ARMH3: variants seen among roughly 807,000 people sequenced by gnomAD.
The protein encoded by ARMH3 is armadillo-like helical domain-containing protein 3.
In ARMH3, 60 loss-of-function variants were observed where a neutral mutation model predicts 99.1. The ratio of observed to expected loss-of-function variants is 0.61; its 90% CI spans 0.49 to 0.75. The LOEUF is 0.75. Ranked by LOEUF, ARMH3 falls within the 30% of genes least tolerant of loss-of-function variation. The pLI is 0.00. For synonymous variants in ARMH3, 285 were observed against 292.8 expected (o/e 0.97, Z 0.27); for missense variants, 679 against 843.1 (o/e 0.81, Z 2.41).
Position 101,992,051 on chromosome 10 carries a change from A to G in ARMH3, c.1276-13T>C, listed in dbSNP as rs759051370. ...TGTGTCTCATAGGCTTCACACCAAA[A>G]AAATGAAGAAAGGAAATTAGTAGAC... On this transcript the variant is annotated splice_polypyrimidine_tract_variant and intron_variant, in intron 17 of 25. Coordinates refer to ENST00000370033, the MANE Select transcript of ARMH3 (RefSeq NM_024541.3). The G allele has an allele frequency of 6.2e-7, 1 of 1,612,300 alleles. No homozygotes were observed. Among genetic ancestry groups the G allele is most frequent in the Non-Finnish European group, 8.5e-7 (1 of 1,178,334 alleles).
Position 101,939,497 on chromosome 10 carries a change from A to G in ARMH3, c.1781+366T>C, listed in dbSNP as rs557789757. Among the ~76,000 whole-genome samples, 4 of 152,368 alleles carry G rather than the reference A, an allele frequency of 2.6e-5. No individual in the cohort carries two copies. The South Asian group carries it at 8.3e-4, about 32-fold the overall frequency. ...AATAGTCACGTAAAGTAAAAGGTCAACATTCTAGATCTCCATGAATCATTC... is the reference window on the plus strand; with the variant it reads ...AATAGTCACGTAAAGTAAAAGGTCAGCATTCTAGATCTCCATGAATCATTC... On this transcript the variant is annotated intron_variant, in intron 23 of 25. Transcript: ENST00000370033.
intron 19 of ARMH3, among the ~76,000 whole-genome samples, chr10:101,979,442 AT>A (rs1477481537): frequency 2.0e-5 from 3 of 152,202 alleles, no homozygotes; most frequent in Non-Finnish European, 4.4e-5. Flanking sequence ...CAAAAAGTAG[AT>A]TTTTTAATTT....
chr10:101,940,701 C>T (rs890916631), intron 22 of ARMH3, among the ~76,000 whole-genome samples: 3 of 152,090 alleles, frequency 2.0e-5, no homozygotes, highest in Non-Finnish European at 4.4e-5. Flanking sequence ...AACAGATTAA[C>T]CTTTTTTTGC....
At chr10:101,868,485 T>G (rs2067058200) in intron 24 of ARMH3, among the ~76,000 whole-genome samples, 1 of 152,108 alleles carries the variant, frequency 6.6e-6, no homozygotes, top group East Asian at 1.9e-4. Context: ...TTATACCAAG[T>G]GTGCCTACTT....
At chr10:101,968,535 C>A (rs147060577) in intron 20 of ARMH3, among the ~76,000 whole-genome samples, 1 of 152,270 alleles carries the variant, frequency 6.6e-6, no homozygotes, top group East Asian at 1.9e-4. Context: ...CTTCCCTGGT[C>A]CCTTTTACTT....
intron 15 of ARMH3, among the ~76,000 whole-genome samples, chr10:102,000,785 T>TA (rs1297666445): frequency 6.6e-6 from 1 of 150,652 alleles, no homozygotes; most frequent in Non-Finnish European, 1.5e-5. Flanking sequence ...AACAGAAAAA[T>TA]AAAAAGTTCT....
At chr10:101,859,964 C>A (rs2066824154) in intron 24 of ARMH3, among the ~76,000 whole-genome samples, 1 of 152,006 alleles carries the variant, frequency 6.6e-6, no homozygotes, top group African/African-American at 2.4e-5. Flanking sequence ...ATATTAGAGA[C>A]CCAAAAGCTT....
chr10:101,847,989 G>A (rs1247908053), intron 25 of ARMH3, among the ~76,000 whole-genome samples: 1 of 152,176 alleles, frequency 6.6e-6, no homozygotes, highest in African/African-American at 2.4e-5. Context: ...GAGAAACTGA[G>A]GCCAGAAGAC....
At position 101,904,460 on chromosome 10, in the gene ARMH3, TA is replaced by T. The variant is rs374247022; in HGVS notation, c.1782-14971del. Among the ~76,000 whole-genome samples, 21 of 152,068 alleles carry T rather than the reference TA, an allele frequency of 1.4e-4. No individual in the cohort carries two copies. The East Asian group carries it at 3.7e-3, about 27-fold the overall frequency. The stretch of plus-strand genomic sequence containing the variant: ...TTATAATTCAGTGAATCTGCAAAGA[TA>T]AAAATAGCACTAATTACTTTGACTT... On this transcript the variant is annotated intron_variant, in intron 23 of 25. Transcript: ENST00000370033.
At chr10:101,985,446 G>A (rs1345402095) in intron 19 of ARMH3, among the ~76,000 whole-genome samples, 1 of 151,838 alleles carries the variant, frequency 6.6e-6, no homozygotes, top group African/African-American at 2.4e-5. Context: ...AGGCATAGTG[G>A]TTCATGCCTG....
intron 4 of ARMH3, among the ~76,000 whole-genome samples, chr10:102,030,729 A>G (rs2067110147): frequency 6.6e-6 from 1 of 151,708 alleles, no homozygotes; most frequent in Non-Finnish European, 1.5e-5. Context: ...AATAATAATA[A>G]TAATTTTGGC....
At chr10:101,895,541 AGTGTTGG>A in intron 23 of ARMH3, among the ~76,000 whole-genome samples, 1 of 152,298 alleles carries the variant, frequency 6.6e-6, no homozygotes, top group East Asian at 1.9e-4. Flanking sequence ...AGCCTCCCAA[AGTGTTGG>A]GATTACAGGT....
intron 23 of ARMH3, among the ~76,000 whole-genome samples, chr10:101,937,646 T>C (rs1447009088): frequency 1.3e-5 from 2 of 152,096 alleles, no homozygotes; most frequent in Non-Finnish European, 2.9e-5. Flanking sequence ...GGAAAAAGTA[T>C]ATTTTAAAAA....
chr10:101,977,657 G>A (rs978956055), intron 19 of ARMH3, among the ~76,000 whole-genome samples: 1 of 152,230 alleles, frequency 6.6e-6, no homozygotes, highest in African/African-American at 2.4e-5. Context: ...AGGTGACTGG[G>A]TCATGAGGGC....
At chr10:101,864,078 AACACACAC>A (rs71016353) in intron 24 of ARMH3, among the ~76,000 whole-genome samples, 61 of 106,276 alleles carry the variant, frequency 5.7e-4, no homozygotes, top group African/African-American at 2.0e-3. Context: ...AAAAAAAAAA[AACACACAC>A]ACACACACAC....
intron 23 of ARMH3, among the ~76,000 whole-genome samples, chr10:101,927,705 G>T (rs1019611240): frequency 6.6e-6 from 1 of 152,180 alleles, no homozygotes; most frequent in Non-Finnish European, 1.5e-5. Context: ...GAGGCAGGAG[G>T]ACTGCTTGAG....
chr10:101,925,603 T>C (rs145562409), intron 23 of ARMH3, among the ~76,000 whole-genome samples: 2,288 of 152,266 alleles, frequency 0.015, 25 homozygotes, highest in Non-Finnish European at 0.023. Flanking sequence ...ACATATGAGA[T>C]ACTCATCATT....
rs933501257 is a variant in ARMH3, at chr10:101,885,687, G to C, written c.1860+3725C>G. Among the ~76,000 whole-genome samples the C allele has an allele frequency of 7.2e-5, 11 of 152,166 alleles. 1 individual carries two copies. The highest frequency in any genetic ancestry group is 2.7e-4 in the African/African-American group (11 of 41,438). ...CAGTATGGAATGATGAAAAAGCCCT[G>C]GAGAGAAGGAGAGCAGAGATGGTTG... On this transcript the variant is annotated intron_variant, in intron 24 of 25. Transcript: ENST00000370033.
rs1336945989 is a variant in ARMH3 at position 101,957,683 on chromosome 10, C to T, written c.1545G>A (p.Leu515=). ...CTAATGTAAAAATGTTGTGTTTGGC[C>T]AAAAGTACAGTCTCATTTGACATAA... The part of the protein sequence containing the change: ...KFLMSNETVL[L]AKHNIFTLAL... Residue 515 remains leucine, a synonymous_variant, in exon 21 of 26, where the codon TTG becomes TTA. Transcript: ENST00000370033. The T allele has an allele frequency of 1.9e-6, 3 of 1,604,814 alleles. No homozygotes were observed. Among genetic ancestry groups the T allele is most frequent in the Non-Finnish European group, 1.7e-6 (2 of 1,177,246 alleles).
Sources: gnomAD v4.1 joint callset for allele counts (sites outside exome capture counted in the v4.1 genomes callset) on GRCh38, gnomAD v4.1.1 for gene constraint, MANE v1.5 for transcripts, NCBI Gene and HGNC (gene_info 2026-07-23, HGNC 2026-07-21) for gene names.